PINX1: variants seen among roughly 807,000 people sequenced by gnomAD.
The protein encoded by PINX1 is PIN2/TERF1-interacting telomerase inhibitor 1.
In PINX1, 34 loss-of-function variants were observed where a neutral mutation model predicts 25.4. That is an observed-to-expected ratio of 1.34 (90% CI 1.02 to 1.78). The LOEUF (loss-of-function observed/expected upper bound fraction) is 1.78. Among genes scored for constraint, PINX1 ranks in the 40% most tolerant of loss-of-function variants. PINX1 has a pLI of 0.00. For synonymous variants in PINX1, 197 were observed against 147.7 expected (o/e 1.33, Z -2.42); for missense variants, 592 against 404.9 (o/e 1.46, Z -3.97).
intron 6 of PINX1, among the ~76,000 whole-genome samples, chr8:10,814,135 G>T (rs1797622196): frequency 6.6e-6 from 1 of 152,148 alleles, no homozygotes; most frequent in South Asian, 2.1e-4. Context: ...CACAGAAAGT[G>T]CATACATCTC....
rs549419914 is a variant in PINX1 at position 10,772,918 on chromosome 8, T to A, written c.472-7002A>T. 4.9e-4 allele frequency among the ~76,000 whole-genome samples: 66 copies of A among 134,064 alleles called. 2 individuals carry two copies. The East Asian group carries it at 0.012, about 24-fold the overall frequency. The allele number at this position is 134,064 out of a possible 152,430, so 88.0% of individuals were successfully genotyped here. On this transcript the variant is annotated intron_variant, in intron 6 of 6. Transcript: ENST00000314787. ...TGGTGAACTATGGCCGTGGGCCTAG[T>A]TTTTAATGATTTTTTTTTTTTTTTA... is the stretch of plus-strand genomic sequence containing the variant.
chr8:10,809,672 A>G (rs1802565243), intron 6 of PINX1, among the ~76,000 whole-genome samples: 1 of 152,248 alleles, frequency 6.6e-6, no homozygotes, highest in Non-Finnish European at 1.5e-5. Flanking sequence ...GAGGACAGAT[A>G]GGAACATTCA....
intron 4 of PINX1, among the ~76,000 whole-genome samples, chr8:10,829,874 G>A (rs1798174993): frequency 6.6e-6 from 1 of 152,118 alleles, no homozygotes; most frequent in South Asian, 2.1e-4. Context: ...AGGAGAGACA[G>A]GGTTTCTCCA....
intron 6 of PINX1, among the ~76,000 whole-genome samples, chr8:10,769,690 CAG>C (rs1292409371): frequency 1.3e-5 from 2 of 152,218 alleles, no homozygotes; most frequent in Non-Finnish European, 2.9e-5. Context: ...ATCACACAGG[CAG>C]AGAGTGAGAC....
chr8:10,768,165 C>G (rs1198461225), intron 6 of PINX1, among the ~76,000 whole-genome samples: 2 of 152,140 alleles, frequency 1.3e-5, no homozygotes, highest in African/African-American at 4.8e-5. Context: ...CAGAGACAGA[C>G]TCGGTGACGA....
In PINX1 at chr8:10,810,973, G is replaced by C. The variant is rs114638695; in HGVS notation, c.471+9220C>G. ...CGCACACACAGATACAATTTTCTCA[G>C]TTCCAAAGGATGTTTCCTATAAGTT... On this transcript the variant is annotated intron_variant, in intron 6 of 6. Transcript: ENST00000314787. Among the ~76,000 whole-genome samples, 276 of 152,332 alleles carry C rather than the reference G, an allele frequency of 1.8e-3. 1 individual carries two copies. Among genetic ancestry groups the C allele is most frequent in the African/African-American group, 6.2e-3 (258 of 41,576 alleles).
At chr8:10,792,764 T>C (rs1229646334) in intron 6 of PINX1, among the ~76,000 whole-genome samples, 1 of 152,238 alleles carries the variant, frequency 6.6e-6, no homozygotes, top group African/African-American at 2.4e-5. Context: ...GATTAATTGC[T>C]GTGATGTGAT....
At chr8:10,826,057 C>G in intron 5 of PINX1, 95 bp downstream of exon 5, 1 of 655,376 alleles carries the variant, frequency 1.5e-6, no homozygotes, top group South Asian at 1.9e-5. Context: ...GTCCATAAAG[C>G]ATGAAGTCGC....
chr8:10,814,038 C>A (rs756123363), intron 6 of PINX1, among the ~76,000 whole-genome samples: 2 of 152,168 alleles, frequency 1.3e-5, no homozygotes, highest in Admixed American at 6.5e-5. Flanking sequence ...CAGGCCCCGG[C>A]AGGCACCGGT....
At chr8:10,776,458 CAAACAAACAAAT>C (rs1263698189) in intron 6 of PINX1, among the ~76,000 whole-genome samples, 7 of 150,346 alleles carry the variant, frequency 4.7e-5, no homozygotes, top group African/African-American at 1.7e-4. Flanking sequence ...AACAAACAAA[CAAACAAACAAAT>C]AAAAATTGGT....
intron 6 of PINX1, among the ~76,000 whole-genome samples, chr8:10,801,206 G>T (rs73208757): frequency 0.17 from 25,340 of 152,188 alleles, 2,526 homozygotes; most frequent in Non-Finnish European, 0.23. Flanking sequence ...GGAAGGAAGG[G>T]GGAAGTGAAT....
intron 6 of PINX1, among the ~76,000 whole-genome samples, chr8:10,789,234 G>A (rs1291050387): frequency 2.0e-5 from 3 of 152,236 alleles, no homozygotes; most frequent in African/African-American, 7.2e-5. Context: ...ATAGACAGAA[G>A]ATGGGCCAGC....
chr8:10,802,581 C>T (rs1269531042), intron 6 of PINX1, among the ~76,000 whole-genome samples: 3 of 152,200 alleles, frequency 2.0e-5, no homozygotes, highest in Non-Finnish European at 4.4e-5. Context: ...CTCTGCATTC[C>T]TAAATCTTCC....
chr8:10,823,124 A>G (rs918966853), intron 5 of PINX1, among the ~76,000 whole-genome samples: 2 of 152,196 alleles, frequency 1.3e-5, no homozygotes, highest in Non-Finnish European at 2.9e-5. Context: ...ATGTCAAAAG[A>G]ATCAGAAGAG....
chr8:10,783,976 T>C (rs569811240), intron 6 of PINX1, among the ~76,000 whole-genome samples: 1 of 152,166 alleles, frequency 6.6e-6, no homozygotes, highest in South Asian at 2.1e-4. Context: ...TCACTAATGT[T>C]AAGAAGGTGC....
In PINX1 at chr8:10,787,470, C is replaced by T. The variant is rs182529532; in HGVS notation, c.472-21554G>A. The T allele has an allele frequency of 2.7e-4, 48 of 178,478 alleles. No individual in the cohort carries two copies. The Middle Eastern group carries it at 7.3e-3, about 27-fold the overall frequency. 11.1% of individuals were successfully genotyped at this position (178,478 alleles called of 1,614,324 possible). A position where few individuals can be genotyped will look rare whatever the true frequency, so the allele number is the denominator to read the frequency against. ...TCTCCAACTCCTGGGCTCAAGCAAT[C>T]CCGCTTCAGCCTCCCAAAGTGCTGG... On this transcript the variant is annotated intron_variant, in intron 6 of 6. Transcript: ENST00000314787.
chr8:10,826,322 G>C lies in PINX1; in HGVS notation c.302-78C>G. 5 of 746,972 alleles carry C rather than the reference G, an allele frequency of 6.7e-6. No individual in the cohort carries two copies. In the South Asian group the frequency reaches 7.7e-5, roughly 12 times the overall value. The allele number at this position is 746,972 out of a possible 1,614,324, so 46.3% of individuals were successfully genotyped here. On this transcript the variant is annotated intron_variant, in intron 4 of 6. Transcript: ENST00000314787. ...TATTCTCCTAACAGTGGATAGTCTT[G>C]AAAGAAAATTTTAGGAGCCCTATCA...
At chr8:10,780,511 T>G (rs1801552587) in intron 6 of PINX1, among the ~76,000 whole-genome samples, 1 of 152,114 alleles carries the variant, frequency 6.6e-6, no homozygotes, top group African/African-American at 2.4e-5. Context: ...TTACATTGAC[T>G]GACTTACACA....
chr8:10,820,185 C>T lies in PINX1; in HGVS notation c.471+8G>A. On this transcript the variant is annotated splice_region_variant and intron_variant, in intron 6 of 6. Coordinates refer to ENST00000314787, the MANE Select transcript of PINX1 (RefSeq NM_017884.6). ...AGCGGAACACGGAAACTGTACGTGG[C>T]TTTATACCTCGGGAGTCTTCTTACT... 6.3e-7 allele frequency: 1 copy of T among 1,582,564 alleles called. No homozygotes were observed. Among genetic ancestry groups the T allele is most frequent in the Non-Finnish European group, 8.7e-7 (1 of 1,151,698 alleles).
Sources: gnomAD v4.1 joint callset for allele counts (sites outside exome capture counted in the v4.1 genomes callset) on GRCh38, gnomAD v4.1.1 for gene constraint, MANE v1.5 for transcripts, NCBI Gene and HGNC (gene_info 2026-07-23, HGNC 2026-07-21) for gene names.